ADAM30: variants seen among roughly 807,000 people sequenced by gnomAD.
ADAM30 encodes ADAM metallopeptidase domain 30.
For synonymous variants in ADAM30, 382 were observed against 340.9 expected (o/e 1.12, Z -1.33); for missense variants, 960 against 959.4 (o/e 1.00, Z -0.01).
At position 119,893,796 on chromosome 1, in the gene ADAM30, A is replaced by G; in HGVS notation, c.*168T>C. The G allele has an allele frequency of 7.4e-7, 1 of 1,349,096 alleles. No homozygotes were observed. The highest frequency in any genetic ancestry group is 9.9e-7 in the Non-Finnish European group (1 of 1,014,368). 83.6% of individuals were successfully genotyped at this position (1,349,096 alleles called of 1,614,324 possible). A position where few individuals can be genotyped will look rare whatever the true frequency, so the allele number is the denominator to read the frequency against. ...GGGCAAGTGAACACTCGAGAAGTAG[A>G]ATGCACTGGTTTGTTTCCAAAACAA... On this transcript the variant is annotated 3_prime_UTR_variant, in exon 1 of 1. Coordinates refer to ENST00000369400, the MANE Select transcript of ADAM30 (RefSeq NM_021794.4).
Position 119,896,395 on chromosome 1 carries a change from A to G in ADAM30, c.-59T>C, listed in dbSNP as rs1032217771. ...CAGTCCCTGCAACTCTGGCCTCGCG[A>G]GTCAGATTTCTGGGGGCCGCCGCTA... On this transcript the variant is annotated 5_prime_UTR_variant, in exon 1 of 1. Transcript: ENST00000369400. 14 of 1,468,170 alleles carry G rather than the reference A, an allele frequency of 9.5e-6. No individual in the cohort carries two copies. Among genetic ancestry groups the G allele is most frequent in the Non-Finnish European group, 1.3e-5 (14 of 1,109,892 alleles). The allele number at this position is 1,468,170 out of a possible 1,614,324, so 90.9% of individuals were successfully genotyped here. A position where few individuals can be genotyped will look rare whatever the true frequency, so the allele number is the denominator to read the frequency against.
rs953768388 is a variant in ADAM30, at chr1:119,894,743, G to A, written c.1594C>T (p.Gln532Ter). Residue 532 changes from glutamine (Q) to a stop codon, truncating the protein, a stop_gained, in exon 1 of 1, where the codon CAA (glutamine) becomes TAA (stop). Coordinates refer to ENST00000369400, the MANE Select transcript of ADAM30 (RefSeq NM_021794.4). LOFTEE classifies it low-confidence loss of function (END_TRUNC). ...CYDAVNLIGD[Q>*]FGNCEITGIR... ...CCTGTAATCTCACAGTTACCAAATT[G>A]ATCACCTATTAAGTTAACTGCATCA... The A allele has an allele frequency of 2.5e-6, 4 of 1,614,000 alleles. No individual in the cohort carries two copies. The highest frequency in any genetic ancestry group is 1.7e-5 in the Admixed American group (1 of 59,988).
In ADAM30 at chr1:119,896,226, C is replaced by A; in HGVS notation, c.111G>T (p.Glu37Asp). ...GEDVIFHPEGEFDSYEVTIPE... is the reference protein window; with the variant it reads ...GEDVIFHPEGDFDSYEVTIPE... Reference sequence around the variant, plus strand: ...GAATGGTGACTTCATACGAGTCAAACTCCCCTTCAGGGTGAAAAATTACAT... The same window carrying A: ...GAATGGTGACTTCATACGAGTCAAAATCCCCTTCAGGGTGAAAAATTACAT... The change falls in exon 1 of 1, where the codon GAG (glutamate) becomes GAT (aspartate). Residue 37 changes from glutamate to aspartate, a missense_variant. By Grantham distance (45) the Glu-to-Asp change is conservative. Transcript: ENST00000369400. 6.2e-7 allele frequency: 1 copy of A among 1,614,178 alleles called. No individual in the cohort carries two copies. The highest frequency in any genetic ancestry group is 1.3e-5 in the African/African-American group (1 of 75,050).
Position 119,893,889 on chromosome 1 carries a change from T to A in ADAM30, c.*75A>T. The A allele has an allele frequency of 6.6e-7, 1 of 1,523,694 alleles. No homozygotes were observed. The allele number at this position is 1,523,694 out of a possible 1,614,324, so 94.4% of individuals were successfully genotyped here. On this transcript the variant is annotated 3_prime_UTR_variant, in exon 1 of 1. Transcript: ENST00000369400. ...AAGTAAAAAAATATTGGGAGAAGAA[T>A]GGAAAGCCTTTGGATAAATGATTAG...
chr1:119,895,588 A>G lies in ADAM30; in HGVS notation c.749T>C (p.Leu250Ser), dbSNP rs771678408. Residue 250 changes from leucine (L) to serine (S), a missense_variant, in exon 1 of 1, where the codon TTA (leucine) becomes TCA (serine). By Grantham distance (145) the Leu-to-Ser change is moderately radical. Transcript: ENST00000369400. Reference sequence around the variant, plus strand: ...ATCTGTCCATACTTCAAGAGCCTTTAAGTGTATCCTCATACGAACATCTTG... The same window carrying G: ...ATCTGTCCATACTTCAAGAGCCTTTGAGTGTATCCTCATACGAACATCTTG... ...YFQDVRMRIHLKALEVWTDFN... is the reference protein window; with the variant it reads ...YFQDVRMRIHSKALEVWTDFN... 1.9e-6 allele frequency: 3 copies of G among 1,613,916 alleles called. No homozygotes were observed. Among genetic ancestry groups the G allele is most frequent in the Non-Finnish European group, 1.7e-6 (2 of 1,180,010 alleles).
Position 119,895,014 on chromosome 1 carries a change from A to C in ADAM30, c.1323T>G (p.Ile441Met). ...ACCGACAATCATGACAGCAAAGTCC[A>C]ATGCTACAGTTGGCACCTGGTTGCA... ...CKLQPGANCS[I>M]GLCCHDCRFR... Residue 441 changes from isoleucine to methionine, a missense_variant, in exon 1 of 1, where the codon ATT becomes ATG. Physicochemically the swap from Ile to Met is conservative, Grantham distance 10. Transcript: ENST00000369400. 6.2e-7 allele frequency: 1 copy of C among 1,614,202 alleles called. No homozygotes were observed. The highest frequency in any genetic ancestry group is 8.5e-7 in the Non-Finnish European group (1 of 1,180,036).
chr1:119,895,545 A>G lies in ADAM30; in HGVS notation c.792T>C (p.Val264=). Residue 264 remains valine, a synonymous_variant, in exon 1 of 1, where the codon GTT becomes GTC. Transcript: ENST00000369400. Reference sequence around the variant, plus strand: ...AAACTTCAGCTAACTCTGGATATCCAACGCGTATTTTGTTAAAATCTGTCC... The same window carrying G: ...AAACTTCAGCTAACTCTGGATATCCGACGCGTATTTTGTTAAAATCTGTCC... The part of the protein sequence containing the change: ...EVWTDFNKIR[V]GYPELAEVLG... 1 of 1,613,826 alleles carries G rather than the reference A, an allele frequency of 6.2e-7. No individual in the cohort carries two copies. The highest frequency in any genetic ancestry group is 8.5e-7 in the Non-Finnish European group (1 of 1,180,024).
Position 119,895,249 on chromosome 1 carries a change from A to G in ADAM30, c.1088T>C (p.Met363Thr), listed in dbSNP as rs750069068. The G allele has an allele frequency of 5.0e-6, 8 of 1,614,206 alleles. No homozygotes were observed. In the South Asian group the frequency reaches 5.5e-5, roughly 11 times the overall value. Residue 363 changes from methionine (M) to threonine (T), a missense_variant, in exon 1 of 1, where the codon ATG becomes ACG. Physicochemically the swap from Met to Thr is moderately conservative, Grantham distance 81. Coordinates refer to ENST00000369400, the MANE Select transcript of ADAM30 (RefSeq NM_021794.4). ...CQCRGRLNCI[M>T]GSGRTGFSNC... ...GCTAAACCCAGTGCGTCCTGAGCCC[A>G]TGATGCAATTAAGCCTACCCCTACA...
At position 119,894,897 on chromosome 1, in the gene ADAM30, G is replaced by A. The variant is rs1374704374; in HGVS notation, c.1440C>T (p.Asp480=). 3.1e-6 allele frequency: 5 copies of A among 1,614,112 alleles called. No individual in the cohort carries two copies. The highest frequency in any genetic ancestry group is 2.2e-5 in the East Asian group (1 of 44,880). The change falls in exon 1 of 1, where the codon GAC becomes GAT. Residue 480 remains aspartate, a synonymous_variant. Coordinates refer to ENST00000369400, the MANE Select transcript of ADAM30 (RefSeq NM_021794.4). ...AAGGGGTTCCATCCTGCTTATAAAC[G>A]TCATTTGGGCAGGAACTTGAATTCC... The part of the protein sequence containing the change: ...CDGNSSSCPN[D]VYKQDGTPCK...
rs1479643949 is a variant in ADAM30 at position 119,894,407 on chromosome 1, A to G, written c.1930T>C (p.Cys644Arg). 1 of 1,614,186 alleles carries G rather than the reference A, an allele frequency of 6.2e-7. No individual in the cohort carries two copies. Among genetic ancestry groups the G allele is most frequent in the South Asian group, 1.1e-5 (1 of 91,086 alleles). Reference sequence around the variant, plus strand: ...CAGTGGCAGTTTTTTCTGTTGTTGCAAACACCCCGGGTATTGCATTTCTCA... The same window carrying G: ...CAGTGGCAGTTTTTTCTGTTGTTGCGAACACCCCGGGTATTGCATTTCTCA... Reference protein sequence around the residue: ...LPEKCNTRGVCNNRKNCHCMY... With the variant: ...LPEKCNTRGVRNNRKNCHCMY... Residue 644 changes from cysteine to arginine, a missense_variant, in exon 1 of 1, where the codon TGC (cysteine) becomes CGC (arginine). Cys to Arg is a radical substitution (Grantham distance 180, BLOSUM62 -3). Coordinates refer to ENST00000369400, the MANE Select transcript of ADAM30 (RefSeq NM_021794.4).
Position 119,896,316 on chromosome 1 carries a change from G to T in ADAM30, c.21C>A (p.Phe7Leu), listed in dbSNP as rs762860832. 1 of 1,591,598 alleles carries T rather than the reference G, an allele frequency of 6.3e-7. No homozygotes were observed. Among genetic ancestry groups the T allele is most frequent in the Non-Finnish European group, 8.6e-7 (1 of 1,168,628 alleles). MRSVQI[F>L]LSQCRLLLLL... Reference sequence around the variant, plus strand: ...GAAGGAGCAAACGGCATTGGGAGAGGAAGATCTGCACTGACCTCATGGTCT... The same window carrying T: ...GAAGGAGCAAACGGCATTGGGAGAGTAAGATCTGCACTGACCTCATGGTCT... The change falls in exon 1 of 1, where the codon TTC becomes TTA. Residue 7 changes from phenylalanine (F) to leucine (L), a missense_variant. Physicochemically the swap from Phe to Leu is conservative, Grantham distance 22 (BLOSUM62 0). Transcript: ENST00000369400.
chr1:119,895,475 G>A lies in ADAM30; in HGVS notation c.862C>T (p.Leu288=), dbSNP rs150493237. The part of the protein sequence containing the change: ...IYKKSVLNAR[L]SSDWAHLYLQ... ...TATAAATGTGCCCAATCTGATGACA[G>A]GCGAGCATTTAATACACTTTTTTTA... is the stretch of plus-strand genomic sequence containing the variant. The change falls in exon 1 of 1, where the codon CTG becomes TTG. Residue 288 remains leucine (L), a synonymous_variant. Coordinates refer to ENST00000369400, the MANE Select transcript of ADAM30 (RefSeq NM_021794.4). The A allele has an allele frequency of 8.3e-5, 134 of 1,613,936 alleles. 1 individual carries two copies. In the African/African-American group the frequency reaches 1.6e-3, roughly 19 times the overall value.
Position 119,895,633 on chromosome 1 carries a change from C to T in ADAM30, c.704G>A (p.Gly235Glu). Residue 235 changes from glycine to glutamate, a missense_variant, in exon 1 of 1, where the codon GGG (glycine) becomes GAG (glutamate). Physicochemically the swap from Gly to Glu is moderately conservative, Grantham distance 98. Transcript: ENST00000369400. ...QVIHDAILLT[G>E]IMDTYFQDVR... is the part of the protein sequence containing the mutation. Reference sequence around the variant, plus strand: ...ATCTTGAAAGTAGGTGTCCATAATCCCAGTCAAAAGAATGGCATCATGTAT... The same window carrying T: ...ATCTTGAAAGTAGGTGTCCATAATCTCAGTCAAAAGAATGGCATCATGTAT... 6.2e-7 allele frequency: 1 copy of T among 1,613,948 alleles called. No individual in the cohort carries two copies. The highest frequency in any genetic ancestry group is 2.2e-5 in the East Asian group (1 of 44,890).
Position 119,893,850 on chromosome 1 carries a change from T to C in ADAM30, c.*114A>G. The C allele has an allele frequency of 6.6e-7, 1 of 1,508,644 alleles. No individual in the cohort carries two copies. Among genetic ancestry groups the C allele is most frequent in the South Asian group, 1.4e-5 (1 of 71,812 alleles). The allele number at this position is 1,508,644 out of a possible 1,614,324, so 93.5% of individuals were successfully genotyped here. ...TGCTGTTTATTTGCTGATCAAAACT[T>C]GTGGGAAAAATTAAAGTAAAAAAAT... On this transcript the variant is annotated 3_prime_UTR_variant, in exon 1 of 1. Coordinates refer to ENST00000369400, the MANE Select transcript of ADAM30 (RefSeq NM_021794.4).
Position 119,896,444 on chromosome 1 carries a change from G to T in ADAM30, c.-108C>A. The stretch of plus-strand genomic sequence containing the variant: ...TAGAGGCGCCTGAGCTCAAAACCCG[G>T]CTCCCCTGGCAGGGTTTCCGGGGGA... On this transcript the variant is annotated 5_prime_UTR_variant, in exon 1 of 1. Coordinates refer to ENST00000369400, the MANE Select transcript of ADAM30 (RefSeq NM_021794.4). 7.0e-7 allele frequency: 1 copy of T among 1,421,528 alleles called. No homozygotes were observed. The highest frequency in any genetic ancestry group is 3.1e-5 in the Admixed American group (1 of 31,956). The allele number at this position is 1,421,528 out of a possible 1,614,324, so 88.1% of individuals were successfully genotyped here.
In ADAM30 at chr1:119,894,876, G is replaced by T; in HGVS notation, c.1461C>A (p.Thr487=). The part of the protein sequence containing the change: ...CPNDVYKQDG[T]PCKYEGRCFR... Reference sequence around the variant, plus strand: ...AACAACGGCCTTCATACTTGCAAGGGGTTCCATCCTGCTTATAAACGTCAT... The same window carrying T: ...AACAACGGCCTTCATACTTGCAAGGTGTTCCATCCTGCTTATAAACGTCAT... The change falls in exon 1 of 1, where the codon ACC becomes ACA. Residue 487 remains threonine (T), a synonymous_variant. Coordinates refer to ENST00000369400, the MANE Select transcript of ADAM30 (RefSeq NM_021794.4). 3 of 1,614,034 alleles carry T rather than the reference G, an allele frequency of 1.9e-6. No individual in the cohort carries two copies. Among genetic ancestry groups the T allele is most frequent in the East Asian group, 4.5e-5 (2 of 44,884 alleles).
chr1:119,895,251 G>A lies in ADAM30; in HGVS notation c.1086C>T (p.Ile362=), dbSNP rs374260098. The change falls in exon 1 of 1, where the codon ATC becomes ATT. Residue 362 remains isoleucine, a synonymous_variant. Transcript: ENST00000369400. ...TAAACCCAGTGCGTCCTGAGCCCATGATGCAATTAAGCCTACCCCTACATT... is the reference window on the plus strand; with the variant it reads ...TAAACCCAGTGCGTCCTGAGCCCATAATGCAATTAAGCCTACCCCTACATT... ...YCQCRGRLNC[I]MGSGRTGFSN... The A allele has an allele frequency of 1.7e-5, 27 of 1,614,024 alleles. No individual in the cohort carries two copies. In the South Asian group the frequency reaches 2.0e-4, roughly 12 times the overall value.
Position 119,893,881 on chromosome 1 carries a change from G to T in ADAM30, c.*83C>A. ...AAAAATTAAAGTAAAAAAATATTGG[G>T]AGAAGAATGGAAAGCCTTTGGATAA... On this transcript the variant is annotated 3_prime_UTR_variant, in exon 1 of 1. Transcript: ENST00000369400. 6.6e-7 allele frequency: 1 copy of T among 1,518,210 alleles called. No individual in the cohort carries two copies. The highest frequency in any genetic ancestry group is 1.4e-5 in the South Asian group (1 of 72,378). The allele number at this position is 1,518,210 out of a possible 1,614,324, so 94.0% of individuals were successfully genotyped here.
Position 119,896,312 on chromosome 1 carries a change from A to G in ADAM30, c.25T>C (p.Ser9Pro). 2 of 1,594,334 alleles carry G rather than the reference A, an allele frequency of 1.3e-6. No individual in the cohort carries two copies. Among genetic ancestry groups the G allele is most frequent in the Non-Finnish European group, 8.5e-7 (1 of 1,169,946 alleles). The stretch of plus-strand genomic sequence containing the variant: ...AGTAGAAGGAGCAAACGGCATTGGG[A>G]GAGGAAGATCTGCACTGACCTCATG... The part of the protein sequence containing the change: MRSVQIFL[S>P]QCRLLLLLVP... The change falls in exon 1 of 1, where the codon TCC becomes CCC. Residue 9 changes from serine to proline, a missense_variant. Physicochemically the swap from Ser to Pro is moderately conservative, Grantham distance 74. Coordinates refer to ENST00000369400, the MANE Select transcript of ADAM30 (RefSeq NM_021794.4).
Sources: gnomAD v4.1 joint callset for allele counts on GRCh38, gnomAD v4.1.1 for gene constraint, MANE v1.5 for transcripts, NCBI Gene and HGNC (gene_info 2026-07-23, HGNC 2026-07-21) for gene names.